Variants in ENPP1 observed in about 807,000 individuals in gnomAD.
ENPP1 encodes the protein ectonucleotide pyrophosphatase/phosphodiesterase family member 1.
A neutral mutation model predicts 122.8 loss-of-function variants in ENPP1; 73 were observed. The ratio of observed to expected loss-of-function variants is 0.59; its 90% CI spans 0.49 to 0.72. The LOEUF is 0.72. Among genes scored for constraint, ENPP1 ranks in the 30% least tolerant of loss-of-function variants. ENPP1 has a pLI of 0.00. For synonymous variants in ENPP1, 367 were observed against 391.6 expected (o/e 0.94, Z 0.74); for missense variants, 978 against 1,128.1 (o/e 0.87, Z 1.91).
intron 6 of ENPP1, 61 bp from the exon 7 acceptor site, chr6:131,858,607 A>G: frequency 9.0e-7 from 1 of 1,108,524 alleles, no homozygotes; most frequent in South Asian, 1.3e-5. Flanking sequence ...TACCACTGCT[A>G]AATGAGGTAA....
At chr6:131,826,703 C>T in intron 1 of ENPP1, 2 of 587,748 alleles carry the variant, frequency 3.4e-6, no homozygotes, top group Non-Finnish European at 5.9e-6. Flanking sequence ...GACAATTCTT[C>T]AGTGAAGGCA....
At chr6:131,888,644 C>T (rs1782420669) in intron 24 of ENPP1, among the ~76,000 whole-genome samples, 1 of 152,104 alleles carries the variant, frequency 6.6e-6, no homozygotes, top group Admixed American at 6.5e-5. Flanking sequence ...TCCTATAGAA[C>T]ACATTTCTCA....
chr6:131,813,228 G>T (rs982988499), intron 1 of ENPP1, among the ~76,000 whole-genome samples: 1 of 152,088 alleles, frequency 6.6e-6, no homozygotes, highest in African/African-American at 2.4e-5. Flanking sequence ...TTGTGGCTGT[G>T]TGTGATGGCT....
intron 1 of ENPP1, among the ~76,000 whole-genome samples, chr6:131,812,696 T>C (rs1781368925): frequency 6.6e-6 from 1 of 152,114 alleles, no homozygotes; most frequent in Non-Finnish European, 1.5e-5. Context: ...CCTGAGGCAG[T>C]TGGATTACTG....
intron 21 of ENPP1, 57 bp from the exon 22 acceptor site, chr6:131,883,635 CTA>C: frequency 1.1e-6 from 1 of 881,518 alleles, no homozygotes; most frequent in Non-Finnish European, 1.9e-6. Context: ...CCATGAGAAA[CTA>C]TAATTTCCTA....
chr6:131,847,977 A>G, intron 2 of ENPP1, 129 bp downstream of exon 2: 1 of 687,890 alleles, frequency 1.5e-6, no homozygotes, highest in Non-Finnish European at 2.4e-6. Context: ...GATATTGTCA[A>G]TTCAACGCTG....
At position 131,837,932 on chromosome 6, in the gene ENPP1, C is replaced by T. The variant is rs10452646; in HGVS notation, c.241-9844C>T. Among the ~76,000 whole-genome samples, 1,100 of 151,908 alleles carry T rather than the reference C, an allele frequency of 7.2e-3. 12 individuals are homozygous for T. Among genetic ancestry groups the T allele is most frequent in the African/African-American group, 0.024 (991 of 41,458 alleles). Reference sequence around the variant, plus strand: ...CATTTCTAGAAATTTTATTTTTTTACTTTCTAGATCTTTTTTAAAATAATA... The same window carrying T: ...CATTTCTAGAAATTTTATTTTTTTATTTTCTAGATCTTTTTTAAAATAATA... On this transcript the variant is annotated intron_variant, in intron 1 of 24. Coordinates refer to ENST00000647893, the MANE Select transcript of ENPP1 (RefSeq NM_006208.3).
chr6:131,841,013 T>G (rs988955235), intron 1 of ENPP1, among the ~76,000 whole-genome samples: 14 of 152,168 alleles, frequency 9.2e-5, no homozygotes, highest in Admixed American at 6.5e-5. Context: ...CACATCAAGT[T>G]TCACTGCAGT....
At chr6:131,874,207 G>T in intron 15 of ENPP1, 61 bp from the exon 16 acceptor site, 2 of 974,162 alleles carry the variant, frequency 2.1e-6, no homozygotes, top group South Asian at 1.3e-5. Flanking sequence ...ATAATGTTAT[G>T]ATTATCAATT....
intron 7 of ENPP1, among the ~76,000 whole-genome samples, chr6:131,859,903 A>C (rs996406350): frequency 1.3e-5 from 2 of 152,204 alleles, no homozygotes; most frequent in African/African-American, 4.8e-5. Context: ...TTTTGGTGGC[A>C]GGGCAGTGTG....
At chr6:131,816,052 CTT>C (rs1004530100) in intron 1 of ENPP1, among the ~76,000 whole-genome samples, 1 of 151,976 alleles carries the variant, frequency 6.6e-6, no homozygotes, top group South Asian at 2.1e-4. Flanking sequence ...CCAGCTGACT[CTT>C]TTTATCTTAA....
chr6:131,889,785 T>C (rs1782439845), intron 24 of ENPP1, among the ~76,000 whole-genome samples: 1 of 152,178 alleles, frequency 6.6e-6, no homozygotes, highest in African/African-American at 2.4e-5. Context: ...GAATGATTTA[T>C]ATTCCTGTGG....
chr6:131,818,661 A>G (rs12209268), intron 1 of ENPP1, among the ~76,000 whole-genome samples: 30,403 of 147,596 alleles, frequency 0.21, 3,600 homozygotes, highest in Admixed American at 0.27. Flanking sequence ...AAAAAAAAAA[A>G]TGTCCTTGAT....
At chr6:131,835,688 C>T (rs1781665099) in intron 1 of ENPP1, among the ~76,000 whole-genome samples, 1 of 152,140 alleles carries the variant, frequency 6.6e-6, no homozygotes, top group Non-Finnish European at 1.5e-5. Context: ...TTAAGCCCAG[C>T]ATCCATTAGC....
In ENPP1 at chr6:131,883,726, G is replaced by A; in HGVS notation, c.2263G>A (p.Glu755Lys). 1 of 1,526,504 alleles carries A rather than the reference G, an allele frequency of 6.6e-7. No individual in the cohort carries two copies. Among genetic ancestry groups the A allele is most frequent in the Non-Finnish European group, 9.1e-7 (1 of 1,100,978 alleles). The allele number at this position is 1,526,504 out of a possible 1,614,324, so 94.6% of individuals were successfully genotyped here. A position where few individuals can be genotyped will look rare whatever the true frequency, so the allele number is the denominator to read the frequency against. The change falls in exon 22 of 25, where the codon GAA (glutamate) becomes AAA (lysine). Residue 755 changes from glutamate (E) to lysine (K), a missense_variant. Around this residue, in one of 3 missense-constraint regions of ENPP1, gnomAD observed 644 missense variants for 781.5 expected, o/e 0.82. Coordinates refer to ENST00000647893, the MANE Select transcript of ENPP1 (RefSeq NM_006208.3). Reference sequence around the variant, plus strand: ...TAAAAATTCAAGTGGAATATATTCTGAAGCTTTGCTTACTACAAATATAGT... The same window carrying A: ...TAAAAATTCAAGTGGAATATATTCTAAAGCTTTGCTTACTACAAATATAGT... Reference protein sequence around the residue: ...LNKNSSGIYSEALLTTNIVPM... With the variant: ...LNKNSSGIYSKALLTTNIVPM...
rs535293574 is a variant in ENPP1 at position 131,808,023 on chromosome 6, G to A, written c.-13G>A. Reference sequence around the variant, plus strand: ...CGCGGCCGGGCAGCGGGGCCGGAGCGGCCGGGGCCACGATGGAGCGCGACG... The same window carrying A: ...CGCGGCCGGGCAGCGGGGCCGGAGCAGCCGGGGCCACGATGGAGCGCGACG... On this transcript the variant is annotated 5_prime_UTR_variant, in exon 1 of 25. Coordinates refer to ENST00000647893, the MANE Select transcript of ENPP1 (RefSeq NM_006208.3). 3,274 of 978,330 alleles carry A rather than the reference G, an allele frequency of 3.3e-3. 88 individuals carry two copies. In the African/African-American group the frequency reaches 0.055, roughly 16 times the overall value. The allele number at this position is 978,330 out of a possible 1,614,324, so 60.6% of individuals were successfully genotyped here.
chr6:131,877,047 C>A lies in ENPP1; in HGVS notation c.1779C>A (p.His593Gln). The A allele has an allele frequency of 6.2e-7, 1 of 1,614,066 alleles. No homozygotes were observed. Among genetic ancestry groups the A allele is most frequent in the South Asian group, 1.1e-5 (1 of 91,080 alleles). The change falls in exon 18 of 25, where the codon CAC becomes CAA. Residue 593 changes from histidine to glutamine, a missense_variant. Transcript: ENST00000647893. Reference sequence around the variant, plus strand: ...ACGGAACTCATGGAAGTCTTAACCACCTTCTAAAGAATCCTGTTTATACGC... The same window carrying A: ...ACGGAACTCATGGAAGTCTTAACCAACTTCTAAAGAATCCTGTTTATACGC... ...PNNGTHGSLN[H>Q]LLKNPVYTPK...
intron 4 of ENPP1, among the ~76,000 whole-genome samples, chr6:131,851,757 GTAT>G (rs1354002057): frequency 6.6e-6 from 1 of 151,978 alleles, no homozygotes; most frequent in Non-Finnish European, 1.5e-5. Context: ...TCTTGTCCAG[GTAT>G]TATTATTATT....
intron 1 of ENPP1, chr6:131,826,252 C>A (rs1781544721): frequency 9.7e-7 from 1 of 1,025,920 alleles, no homozygotes; most frequent in African/African-American, 1.6e-5. Context: ...TAGCATCTCA[C>A]TGTTGTTGTT....
Sources: allele counts gnomAD v4.1 joint callset (sites outside exome capture counted in the v4.1 genomes callset), GRCh38; gene constraint gnomAD v4.1.1; regional missense constraint gnomAD v4.1.1; transcripts MANE v1.5; gene names NCBI Gene and HGNC (gene_info 2026-07-23, HGNC 2026-07-21).